GRK3: variants seen among roughly 807,000 people sequenced by gnomAD.
GRK3 encodes G protein-coupled receptor kinase 3.
Under a neutral mutation model 95.7 loss-of-function variants are expected in GRK3, and 54 were observed. That is an observed-to-expected ratio of 0.56 (90% CI 0.45 to 0.71). The LOEUF (loss-of-function observed/expected upper bound fraction) is 0.71, where lower values mean the gene tolerates loss of function less well. Among genes scored for constraint, GRK3 ranks in the 30% least tolerant of loss-of-function variants. The pLI is 0.00. For missense variants in GRK3, 649 were observed against 851.2 expected (o/e 0.76, Z 2.96); for synonymous variants, 281 against 290.8 (o/e 0.97, Z 0.34).
At chr22:25,705,115 T>C (rs977410477) in intron 15 of GRK3, among the ~76,000 whole-genome samples, 3 of 152,198 alleles carry the variant, frequency 2.0e-5, no homozygotes, top group African/African-American at 7.2e-5. Context: ...ATAATGTACA[T>C]ATATATGAGT....
intron 18 of GRK3, among the ~76,000 whole-genome samples, chr22:25,715,857 C>A (rs1257016511): frequency 6.6e-6 from 1 of 152,190 alleles, no homozygotes; most frequent in Non-Finnish European, 1.5e-5. Context: ...TTTCCTGTGG[C>A]ATTTAAAGTG....
At chr22:25,624,888 A>G (rs1393163562) in intron 2 of GRK3, among the ~76,000 whole-genome samples, 1 of 151,828 alleles carries the variant, frequency 6.6e-6, no homozygotes, top group Non-Finnish European at 1.5e-5. Context: ...GCAGCATTTA[A>G]TATAAAGAGT....
chr22:25,704,347 G>A, intron 15 of GRK3, 138 bp downstream of exon 15: 1 of 619,662 alleles, frequency 1.6e-6, no homozygotes, highest in Non-Finnish European at 2.9e-6. Flanking sequence ...AAATCACATG[G>A]GAAATATACA....
At chr22:25,708,499 G>A (rs2085317812) in intron 15 of GRK3, among the ~76,000 whole-genome samples, 1 of 152,112 alleles carries the variant, frequency 6.6e-6, no homozygotes, top group Non-Finnish European at 1.5e-5. Context: ...TCCTATAAGG[G>A]CACTCAAGCT....
intron 13 of GRK3, among the ~76,000 whole-genome samples, chr22:25,701,219 G>A (rs1359250864): frequency 6.6e-6 from 1 of 152,136 alleles, no homozygotes; most frequent in African/African-American, 2.4e-5. Context: ...TATTTAAAGC[G>A]GCTGCATCAG....
chr22:25,645,037 C>T (rs1328206827), intron 3 of GRK3, among the ~76,000 whole-genome samples: 1 of 152,134 alleles, frequency 6.6e-6, no homozygotes, highest in African/African-American at 2.4e-5. Context: ...GAAAGAGATA[C>T]TAGCCAAGGT....
intron 1 of GRK3, among the ~76,000 whole-genome samples, chr22:25,591,888 G>A (rs967528810): frequency 1.3e-5 from 2 of 152,096 alleles, no homozygotes; most frequent in East Asian, 3.8e-4. Flanking sequence ...TACCCATTGT[G>A]GCTATTGTGT....
At chr22:25,574,191 A>G (rs1443613666) in intron 1 of GRK3, among the ~76,000 whole-genome samples, 1 of 151,992 alleles carries the variant, frequency 6.6e-6, no homozygotes, top group Admixed American at 6.6e-5. Context: ...TGCCTTTGAT[A>G]AAAGTTTAAA....
At chr22:25,573,118 G>C (rs1931764715) in intron 1 of GRK3, among the ~76,000 whole-genome samples, 1 of 152,208 alleles carries the variant, frequency 6.6e-6, no homozygotes, top group South Asian at 2.1e-4. Flanking sequence ...TTTGAAGGCA[G>C]CTCCTCTAGC....
intron 8 of GRK3, among the ~76,000 whole-genome samples, chr22:25,677,328 A>G (rs907180592): frequency 2.0e-5 from 3 of 150,516 alleles, no homozygotes; most frequent in East Asian, 3.9e-4. Flanking sequence ...ATGAGGTACA[A>G]TCATCCCACT....
chr22:25,685,061 CAATT>C (rs2085102141), intron 9 of GRK3, 105 bp from the exon 10 acceptor site: 1 of 713,712 alleles, frequency 1.4e-6, no homozygotes, highest in African/African-American at 1.8e-5. Flanking sequence ...TGCAATGTGT[CAATT>C]AAAAAATAAA....
At chr22:25,609,313 A>G (rs1178646998) in intron 2 of GRK3, among the ~76,000 whole-genome samples, 1 of 152,030 alleles carries the variant, frequency 6.6e-6, no homozygotes, top group Non-Finnish European at 1.5e-5. Context: ...GTTTGAAACT[A>G]TAAGAAGACT....
intron 3 of GRK3, among the ~76,000 whole-genome samples, chr22:25,649,417 C>T (rs1358092458): frequency 1.3e-5 from 2 of 151,948 alleles, no homozygotes; most frequent in African/African-American, 2.4e-5. Flanking sequence ...CTTTAAAGTA[C>T]GATGATGAAT....
chr22:25,651,066 G>T (rs1333219001), intron 3 of GRK3, among the ~76,000 whole-genome samples: 8 of 152,258 alleles, frequency 5.3e-5, no homozygotes, highest in Non-Finnish European at 7.4e-5. Flanking sequence ...TGTTTAAAAT[G>T]AATAATGGCA....
chr22:25,632,922 G>A (rs1469909493), intron 2 of GRK3, among the ~76,000 whole-genome samples: 1 of 151,230 alleles, frequency 6.6e-6, no homozygotes, highest in African/African-American at 2.4e-5. Flanking sequence ...TTGTTTTTTT[G>A]TTTTTAGAGA....
At chr22:25,566,376 C>A (rs1251594353) in intron 1 of GRK3, among the ~76,000 whole-genome samples, 1 of 152,198 alleles carries the variant, frequency 6.6e-6, no homozygotes, top group Non-Finnish European at 1.5e-5. Context: ...AAGTGATCAT[C>A]ATCTGATTTT....
chr22:25,592,073 A>G (rs993509868), intron 1 of GRK3, among the ~76,000 whole-genome samples: 1 of 152,222 alleles, frequency 6.6e-6, no homozygotes, highest in Non-Finnish European at 1.5e-5. Context: ...AGTGTTTTCC[A>G]AAGTGTGTGC....
intron 15 of GRK3, among the ~76,000 whole-genome samples, chr22:25,706,256 C>T (rs2085298804): frequency 6.6e-6 from 1 of 152,172 alleles, no homozygotes; most frequent in African/African-American, 2.4e-5. Context: ...CACCTTGCTG[C>T]AGGTGTTCTG....
chr22:25,690,121 C>T (rs538327299), intron 11 of GRK3, 68 bp from the exon 12 acceptor site: 112 of 1,176,442 alleles, frequency 9.5e-5, no homozygotes, highest in Admixed American at 1.3e-4. Context: ...GGTGTCTGCA[C>T]TCAAAGTTCT....
Sources: gnomAD v4.1 joint callset for allele counts (sites outside exome capture counted in the v4.1 genomes callset) on GRCh38, gnomAD v4.1.1 for gene constraint, MANE v1.5 for transcripts, NCBI Gene and HGNC (gene_info 2026-07-23, HGNC 2026-07-21) for gene names.